The following DCC variants were observed in gnomAD, a reference collection of about 807,000 sequenced individuals.
The protein encoded by DCC is netrin receptor DCC.
A neutral mutation model predicts 172.5 loss-of-function variants in DCC; 58 were observed. The observed-to-expected ratio is 0.34, with a 90% CI of 0.27 to 0.42. The LOEUF is 0.42. DCC is among the 10% of genes least tolerant of loss of function. The pLI is 1.00. For synonymous variants in DCC, 709 were observed against 644.5 expected (o/e 1.10, Z -1.52); for missense variants, 1,740 against 1,791.0 (o/e 0.97, Z 0.51).
chr18:53,187,406 A>G (rs569623959), intron 9 of DCC, among the ~76,000 whole-genome samples: 88 of 152,160 alleles, frequency 5.8e-4, no homozygotes, highest in Middle Eastern at 3.4e-3. Context: ...ACAGGAGTGA[A>G]CCACCGTGCC....
intron 1 of DCC, among the ~76,000 whole-genome samples, chr18:52,573,315 A>G (rs2033342762): frequency 6.6e-6 from 1 of 152,178 alleles, no homozygotes; most frequent in African/African-American, 2.4e-5. Context: ...TTAGGGGGCA[A>G]GAAGGAGAGC....
chr18:53,208,518 C>G (rs1399696013), intron 11 of DCC, among the ~76,000 whole-genome samples: 1 of 151,810 alleles, frequency 6.6e-6, no homozygotes, highest in African/African-American at 2.4e-5. Context: ...AGACAATCCC[C>G]CTATATTTAC....
intron 2 of DCC, among the ~76,000 whole-genome samples, chr18:52,832,589 T>G (rs2038635499): frequency 1.3e-5 from 2 of 152,130 alleles, no homozygotes; most frequent in South Asian, 2.1e-4. Context: ...TCTTTCCAAA[T>G]GTAGTCAGTT....
intron 16 of DCC, among the ~76,000 whole-genome samples, chr18:53,390,140 G>A (rs1212333295): frequency 3.3e-5 from 5 of 152,008 alleles, no homozygotes; most frequent in South Asian, 4.2e-4. Context: ...CCCCTTCATC[G>A]TTTTATAAAT....
rs1038841578 is a variant in DCC, at chr18:53,402,656, T to C, written c.2828-130T>C. The C allele has an allele frequency of 3.9e-6, 3 of 770,036 alleles. No homozygotes were observed. In the African/African-American group the frequency reaches 5.1e-5, roughly 13 times the overall value. The allele number at this position is 770,036 out of a possible 1,614,324, so 47.7% of individuals were successfully genotyped here. On this transcript the variant is annotated intron_variant, in intron 18 of 28. Coordinates refer to ENST00000442544, the MANE Select transcript of DCC (RefSeq NM_005215.4). ...GCTTATTCAAATCCTTGAAATAAAC[T>C]GTAAATGGCAAAATAGACATGATAT...
chr18:53,063,471 G>A lies in DCC; in HGVS notation c.1140+12G>A. ...ATTTTCAGATAGTGGTAATTATTTTGTTTCATATTTGTTTTATAATCCCAT... is the reference window on the plus strand; with the variant it reads ...ATTTTCAGATAGTGGTAATTATTTTATTTCATATTTGTTTTATAATCCCAT... On this transcript the variant is annotated intron_variant, in intron 6 of 28. Transcript: ENST00000442544. The A allele has an allele frequency of 1.3e-6, 2 of 1,561,736 alleles. No homozygotes were observed. Among genetic ancestry groups the A allele is most frequent in the Non-Finnish European group, 1.8e-6 (2 of 1,140,328 alleles).
chr18:53,378,584 C>T (rs1435168120), intron 15 of DCC, among the ~76,000 whole-genome samples: 1 of 152,148 alleles, frequency 6.6e-6, no homozygotes, highest in Non-Finnish European at 1.5e-5. Context: ...TAGGGACTTG[C>T]TATTCAACCT....
rs372501297 is a variant in DCC at position 53,336,808 on chromosome 18, A to G, written c.2165-2905A>G. Among the ~76,000 whole-genome samples the G allele has an allele frequency of 5.9e-5, 9 of 152,210 alleles. No homozygotes were observed. The East Asian group carries it at 9.6e-4, about 16-fold the overall frequency. ...GGAGGTTGGCTTGAGTCAGAGGGTT[A>G]GAGGCTGCAATGAGCTTTGATCTCA... On this transcript the variant is annotated intron_variant, in intron 14 of 28. Transcript: ENST00000442544.
chr18:52,408,439 A>C (rs1555679128), intron 1 of DCC, among the ~76,000 whole-genome samples: 2 of 152,058 alleles, frequency 1.3e-5, no homozygotes, highest in Non-Finnish European at 2.9e-5. Flanking sequence ...GAAATTATAC[A>C]TTTTGAATTT....
At position 53,483,994 on chromosome 18, in the gene DCC, G is replaced by T. The variant is rs555401329; in HGVS notation, c.3737-2803G>T. 2.0e-5 allele frequency among the ~76,000 whole-genome samples: 3 copies of T among 151,108 alleles called. No individual in the cohort carries two copies. In the East Asian group the frequency reaches 5.8e-4, roughly 29 times the overall value. The stretch of plus-strand genomic sequence containing the variant: ...AGATAGATAGATAGATAGATAGATA[G>T]ATAGATAGATAGATAGATATAGTGT... On this transcript the variant is annotated intron_variant, in intron 25 of 28. Transcript: ENST00000442544.
At chr18:53,184,135 C>T (rs1432339991) in intron 9 of DCC, among the ~76,000 whole-genome samples, 1 of 151,690 alleles carries the variant, frequency 6.6e-6, no homozygotes, top group East Asian at 1.9e-4. Context: ...TAATATAATA[C>T]CTCATTTATA....
intron 12 of DCC, among the ~76,000 whole-genome samples, chr18:53,295,307 C>G (rs2057053580): frequency 6.6e-6 from 1 of 151,774 alleles, no homozygotes; most frequent in Non-Finnish European, 1.5e-5. Flanking sequence ...ACAAAAATAG[C>G]ATATAAGAGT....
At chr18:52,388,128 C>T (rs1985889388) in intron 1 of DCC, among the ~76,000 whole-genome samples, 1 of 151,968 alleles carries the variant, frequency 6.6e-6, no homozygotes, top group Admixed American at 6.6e-5. Context: ...GACCCAGTGG[C>T]GAGCTTTGGA....
At chr18:53,182,342 A>T (rs17408365) in intron 9 of DCC, among the ~76,000 whole-genome samples, 8,945 of 152,210 alleles carry the variant, frequency 0.059, 310 homozygotes, top group Middle Eastern at 0.088. Flanking sequence ...CCATTTTCTT[A>T]CCAGTATATG....
intron 1 of DCC, among the ~76,000 whole-genome samples, chr18:52,509,786 G>A (rs1292346545): frequency 2.0e-5 from 3 of 152,140 alleles, no homozygotes; most frequent in Non-Finnish European, 2.9e-5. Context: ...CGGATGAACC[G>A]AGTTGCCCCT....
chr18:53,357,141 C>CA (rs138323777), intron 15 of DCC, among the ~76,000 whole-genome samples: 1,739 of 152,234 alleles, frequency 0.011, 18 homozygotes, highest in Admixed American at 0.027. Context: ...TTTATGATTT[C>CA]AGTATGCCAA....
At chr18:53,397,589 T>C in intron 18 of DCC, 143 bp downstream of exon 18, 1 of 880,068 alleles carries the variant, frequency 1.1e-6, no homozygotes, top group South Asian at 1.5e-5. Context: ...CATAGCACTT[T>C]TATATCTAAG....
At position 53,532,284 on chromosome 18, in the gene DCC, A is replaced by C. The variant is rs1276454522; in HGVS notation, c.*1631A>C. The C allele has an allele frequency of 6.6e-6, 1 of 152,244 alleles. No homozygotes were observed. Among genetic ancestry groups the C allele is most frequent in the Non-Finnish European group, 1.5e-5 (1 of 68,042 alleles). 9.4% of individuals were successfully genotyped at this position (152,244 alleles called of 1,614,324 possible). A position where few individuals can be genotyped will look rare whatever the true frequency, so the allele number is the denominator to read the frequency against. On this transcript the variant is annotated 3_prime_UTR_variant, in exon 29 of 29. Coordinates refer to ENST00000442544, the MANE Select transcript of DCC (RefSeq NM_005215.4). Reference sequence around the variant, plus strand: ...AATCCCTGAATAAAATATTTTGAGCAAAATGGCACTGTAACAGAAGTAATA... The same window carrying C: ...AATCCCTGAATAAAATATTTTGAGCCAAATGGCACTGTAACAGAAGTAATA...
At chr18:53,047,428 C>CATATATATATAT (rs58797605) in intron 5 of DCC, among the ~76,000 whole-genome samples, 15 of 50,048 alleles carry the variant, frequency 3.0e-4, no homozygotes, top group Non-Finnish European at 3.6e-4. Flanking sequence ...ATATATTTTA[C>CATATATATATAT]ATATATATAT....
Sources: gnomAD v4.1 joint callset for allele counts (sites outside exome capture counted in the v4.1 genomes callset) on GRCh38, gnomAD v4.1.1 for gene constraint, MANE v1.5 for transcripts, NCBI Gene and HGNC (gene_info 2026-07-23, HGNC 2026-07-21) for gene names.